BAIAP2L1: variants seen among roughly 807,000 people sequenced by gnomAD.
The protein encoded by BAIAP2L1 is BAR/IMD domain containing adaptor protein 2 like 1.
In BAIAP2L1, 35 loss-of-function variants were observed where a neutral mutation model predicts 66.3. The observed-to-expected ratio is 0.53, with a 90% CI of 0.40 to 0.70. BAIAP2L1 has a LOEUF of 0.70. Ranked by LOEUF, BAIAP2L1 falls within the 30% of genes least tolerant of loss-of-function variation. The probability of loss-of-function intolerance (pLI) is 0.00; values close to 1 mark genes in which losing one functional copy is unlikely to be tolerated. For synonymous variants in BAIAP2L1, 269 were observed against 248.7 expected, an observed-to-expected ratio of 1.08 and a Z score of -0.77; for missense variants, 622 against 656.9, an observed-to-expected ratio of 0.95 and a Z score of 0.58.
At chr7:98,398,046 T>A (rs546020756) in intron 1 of BAIAP2L1, among the ~76,000 whole-genome samples, 2 of 152,284 alleles carry the variant, frequency 1.3e-5, no homozygotes, top group East Asian at 3.9e-4. Context: ...TCTAAAGTAT[T>A]CCTTTATTTC....
chr7:98,394,049 C>G (rs1398252244), intron 1 of BAIAP2L1, among the ~76,000 whole-genome samples: 1 of 152,024 alleles, frequency 6.6e-6, no homozygotes, highest in East Asian at 1.9e-4. Flanking sequence ...GGAGACCATC[C>G]TGGCTAACAC....
chr7:98,381,896 A>AC (rs978343093), intron 1 of BAIAP2L1, among the ~76,000 whole-genome samples: 93 of 147,810 alleles, frequency 6.3e-4, no homozygotes, highest in African/African-American at 2.2e-3. Flanking sequence ...TCCCAGAGCT[A>AC]CCCCCACCCA....
At chr7:98,323,762 TCAGATGCCGACCTCACAG>T (rs905975986) in intron 3 of BAIAP2L1, among the ~76,000 whole-genome samples, 2 of 152,174 alleles carry the variant, frequency 1.3e-5, no homozygotes, top group African/African-American at 4.8e-5. Context: ...CTCCTGGAAT[TCAGATGCCGACCTCACAG>T]CAGCTGGCCG....
chr7:98,349,769 G>A (rs2115670525), intron 3 of BAIAP2L1, among the ~76,000 whole-genome samples: 1 of 152,186 alleles, frequency 6.6e-6, no homozygotes, highest in Admixed American at 6.5e-5. Context: ...CAGCACTTTG[G>A]GAGGCCGATG....
In BAIAP2L1 at chr7:98,293,440, G is replaced by T; in HGVS notation, c.*81C>A. ...GCCTCTCCACTGAAGCTTCCCGACC[G>T]TCAGCACGTGGCAGACAGGATGCGC... On this transcript the variant is annotated 3_prime_UTR_variant, in exon 14 of 14. Coordinates refer to ENST00000005260, the MANE Select transcript of BAIAP2L1 (RefSeq NM_018842.5). 7.5e-7 allele frequency: 1 copy of T among 1,337,294 alleles called. No individual in the cohort carries two copies. The highest frequency in any genetic ancestry group is 1.1e-6 in the Non-Finnish European group (1 of 936,252). 82.8% of individuals were successfully genotyped at this position (1,337,294 alleles called of 1,614,324 possible). A position where few individuals can be genotyped will look rare whatever the true frequency, so the allele number is the denominator to read the frequency against.
At position 98,400,983 on chromosome 7, in the gene BAIAP2L1, C is replaced by A. The variant is rs1222516206; in HGVS notation, c.-131G>T. ...GGTCGGCCGCCGCCGCAGCCGTCGGCCCGAGAGTGCCCGCGCGCGTCTCCG... is the reference window on the plus strand; with the variant it reads ...GGTCGGCCGCCGCCGCAGCCGTCGGACCGAGAGTGCCCGCGCGCGTCTCCG... On this transcript the variant is annotated 5_prime_UTR_variant, in exon 1 of 14. Transcript: ENST00000005260. 2 of 696,542 alleles carry A rather than the reference C, an allele frequency of 2.9e-6. No homozygotes were observed. Among genetic ancestry groups the A allele is most frequent in the Non-Finnish European group, 4.1e-6 (2 of 487,794 alleles). The allele number at this position is 696,542 out of a possible 1,614,324, so 43.1% of individuals were successfully genotyped here. A position where few individuals can be genotyped will look rare whatever the true frequency, so the allele number is the denominator to read the frequency against.
intron 3 of BAIAP2L1, among the ~76,000 whole-genome samples, chr7:98,322,547 G>A (rs1255191023): frequency 6.6e-6 from 1 of 152,158 alleles, no homozygotes; most frequent in Non-Finnish European, 1.5e-5. Context: ...CCCTTCCTAA[G>A]CTCTGTGGTC....
chr7:98,379,410 C>T (rs888559649), intron 1 of BAIAP2L1, among the ~76,000 whole-genome samples: 4 of 152,154 alleles, frequency 2.6e-5, no homozygotes, highest in Non-Finnish European at 4.4e-5. Context: ...CAATCAGCCT[C>T]GAAAATTGAG....
intron 8 of BAIAP2L1, among the ~76,000 whole-genome samples, chr7:98,310,932 C>T (rs912770786): frequency 4.0e-5 from 6 of 151,890 alleles, no homozygotes; most frequent in Non-Finnish European, 8.8e-5. Flanking sequence ...GTGATCTGCC[C>T]GCCTAGGCCT....
Position 98,294,116 on chromosome 7 carries a change from G to A in BAIAP2L1, c.1423-5C>T, listed in dbSNP as rs373011560. 4.2e-5 allele frequency: 67 copies of A among 1,613,838 alleles called. No individual in the cohort carries two copies. The African/African-American group carries it at 8.1e-4, about 20-fold the overall frequency. On this transcript the variant is annotated splice_polypyrimidine_tract_variant and splice_region_variant and intron_variant, in intron 12 of 13. Coordinates refer to ENST00000005260, the MANE Select transcript of BAIAP2L1 (RefSeq NM_018842.5). ...TGCAGTCCCGTTGGCATCGTTCTGT[G>A]AGAAAGATAAAGAAGTTTATGGAGG...
chr7:98,296,570 G>C (rs1398602162), intron 12 of BAIAP2L1, among the ~76,000 whole-genome samples: 2 of 152,208 alleles, frequency 1.3e-5, no homozygotes, highest in East Asian at 3.8e-4. Context: ...GTTGTGGTGA[G>C]CTGAGATTGC....
intron 1 of BAIAP2L1, among the ~76,000 whole-genome samples, chr7:98,365,992 G>A (rs1201285261): frequency 5.9e-5 from 9 of 152,114 alleles, no homozygotes; most frequent in Non-Finnish European, 2.9e-5. Context: ...CGTGCAGCCC[G>A]TCACTGCCGG....
At chr7:98,304,502 T>C (rs1380084196) in intron 11 of BAIAP2L1, 126 bp from the exon 12 acceptor site, 3 of 948,456 alleles carry the variant, frequency 3.2e-6, no homozygotes, top group Non-Finnish European at 4.9e-6. Flanking sequence ...GATCTTGATC[T>C]CACACACACA....
At chr7:98,384,108 C>T (rs990163327) in intron 1 of BAIAP2L1, among the ~76,000 whole-genome samples, 16 of 149,408 alleles carry the variant, frequency 1.1e-4, no homozygotes, top group Admixed American at 8.1e-4. Context: ...GAGCCGAGAT[C>T]GCACCATTGC....
At chr7:98,349,414 C>T (rs780787492) in intron 3 of BAIAP2L1, among the ~76,000 whole-genome samples, 13 of 152,172 alleles carry the variant, frequency 8.5e-5, no homozygotes, top group Non-Finnish European at 1.6e-4. Context: ...AAGAGCCACG[C>T]CCACGCTACG....
intron 3 of BAIAP2L1, among the ~76,000 whole-genome samples, chr7:98,331,442 T>C (rs1238177400): frequency 6.7e-6 from 1 of 150,232 alleles, no homozygotes; most frequent in Non-Finnish European, 1.5e-5. Context: ...ATATTCAAAC[T>C]GTAGACTAGC....
chr7:98,296,629 A>G (rs980225141), intron 12 of BAIAP2L1, among the ~76,000 whole-genome samples: 2 of 152,178 alleles, frequency 1.3e-5, no homozygotes, highest in African/African-American at 4.8e-5. Flanking sequence ...ATCTGTAAAA[A>G]ACAAAAAAAC....
intron 1 of BAIAP2L1, chr7:98,386,071 G>A: frequency 6.5e-7 from 1 of 1,540,496 alleles, no homozygotes; most frequent in South Asian, 1.1e-5. Flanking sequence ...CACCTCTCGG[G>A]TCATGATTTC....
intron 7 of BAIAP2L1, among the ~76,000 whole-genome samples, chr7:98,312,946 C>G (rs943598791): frequency 3.9e-5 from 6 of 152,194 alleles, no homozygotes. Context: ...TTCCAGTGAG[C>G]ACCTTTTCTG....
Sources: allele counts gnomAD v4.1 joint callset (sites outside exome capture counted in the v4.1 genomes callset), GRCh38; gene constraint gnomAD v4.1.1; transcripts MANE v1.5; gene names NCBI Gene and HGNC (gene_info 2026-07-23, HGNC 2026-07-21).